The following DDAH2 variants were observed in gnomAD, a reference collection of about 807,000 sequenced individuals.
The protein encoded by DDAH2 is putative hydrolase DDAH2.
DDAH2 carries 8 observed loss-of-function variants against 24.8 expected under a neutral mutation model. That is an observed-to-expected ratio of 0.32 (90% CI 0.19 to 0.58). The LOEUF (loss-of-function observed/expected upper bound fraction) is 0.58, where lower values mean the gene tolerates loss of function less well. Among genes scored for constraint, DDAH2 ranks in the 20% least tolerant of loss-of-function variants. DDAH2 has a pLI of 0.87. For synonymous variants in DDAH2, 151 were observed against 166.1 expected, an observed-to-expected ratio of 0.91 and a Z score of 0.70; for missense variants, 281 against 379.0, an observed-to-expected ratio of 0.74 and a Z score of 2.15.
rs1304131163 is a variant in DDAH2, at chr6:31,728,290, GTC to G, written c.472_473del (p.Asp158LeufsTer57). 1 of 1,608,764 alleles carries G rather than the reference GTC, an allele frequency of 6.2e-7. No individual in the cohort carries two copies. The highest frequency in any genetic ancestry group is 1.3e-5 in the African/African-American group (1 of 74,950). ...GAEIVADTFR[D>X]FAVSTVPVSG... ...AGACTGGCACAGTGGAGACGGCGAA[GTC>G]CTAGGGAGAGCGAAGGGAGGTATTC... On this transcript the variant is annotated frameshift_variant and splice_region_variant, in exon 4 of 6. Transcript: ENST00000375789. LOFTEE classifies it high-confidence loss of function. The surrounding 1 kb of genome is among the most constrained non-coding windows in gnomAD (Gnocchi z 9.8).
In DDAH2 at chr6:31,727,898, CCCTACCTTCCCCAGCCCCT is replaced by C. The variant is rs1162294987; in HGVS notation, c.592-225_592-207del. 1.3e-5 allele frequency among the ~76,000 whole-genome samples: 2 copies of C among 152,130 alleles called. No individual in the cohort carries two copies. Among genetic ancestry groups the C allele is most frequent in the South Asian group, 2.1e-4 (1 of 4,816 alleles). ...GAATCACATGCAGTTATTTTCAACCCCCTACCTTCCCCAGCCCCTCCTATCTGTCCTACCCATCCTTAGA... is the reference window on the plus strand; with the variant it reads ...GAATCACATGCAGTTATTTTCAACCCCCTATCTGTCCTACCCATCCTTAGA... On this transcript the variant is annotated intron_variant, in intron 4 of 5. Coordinates refer to ENST00000375789, the MANE Select transcript of DDAH2 (RefSeq NM_001303007.2). The surrounding 1 kb of genome is among the most constrained non-coding windows in gnomAD (Gnocchi z 6.0).
At chr6:31,729,355 T>G, upstream of DDAH2, 1 of 594,228 alleles carries the variant, frequency 1.7e-6, no homozygotes, top group Non-Finnish European at 3.0e-6. This position sits in a 1 kb window ranked among gnomAD's most constrained non-coding sequence, Gnocchi z 6.7. Flanking sequence ...CCCCACCCAC[T>G]CCAGACCTTC....
In DDAH2 at chr6:31,727,545, C is replaced by T. The variant is rs770896162; in HGVS notation, c.739G>A (p.Glu247Lys). 1 of 1,613,096 alleles carries T rather than the reference C, an allele frequency of 6.2e-7. No individual in the cohort carries two copies. The highest frequency in any genetic ancestry group is 8.5e-7 in the Non-Finnish European group (1 of 1,180,032). The change falls in exon 5 of 6, where the codon GAG becomes AAG. Residue 247 changes from glutamate (E) to lysine (K), a missense_variant and splice_region_variant. Coordinates refer to ENST00000375789, the MANE Select transcript of DDAH2 (RefSeq NM_001303007.2). The surrounding 1 kb of genome is among the most constrained non-coding windows in gnomAD (Gnocchi z 6.0). ...RGGGDLPNSQ[E>K]ALQKLSDVTL... ...TTGGAGTTCCTGCCCTCTCTCACCT[C>T]CTGGCTGTTGGGCAGATCCCCACCT... is the stretch of plus-strand genomic sequence containing the variant.
chr6:31,729,295 A>G lies in DDAH2; in HGVS notation c.-134T>C, dbSNP rs1807669022. The G allele has an allele frequency of 1.3e-6, 1 of 769,710 alleles. No individual in the cohort carries two copies. Among genetic ancestry groups the G allele is most frequent in the Admixed American group, 2.7e-5 (1 of 36,384 alleles). 47.7% of individuals were successfully genotyped at this position (769,710 alleles called of 1,614,324 possible). ...CAGACAAGGGCGTTGGGGGTGGTTA[A>G]GAGCGCCCAGGTCTTCCTCCTGCCA... On this transcript the variant is annotated 5_prime_UTR_variant, in exon 1 of 6. Coordinates refer to ENST00000375789, the MANE Select transcript of DDAH2 (RefSeq NM_001303007.2). This position sits in a 1 kb window ranked among gnomAD's most constrained non-coding sequence, Gnocchi z 6.7.
At position 31,728,441 on chromosome 6, in the gene DDAH2, C is replaced by T. The variant is rs771700334; in HGVS notation, c.471+10G>A. 3 of 1,612,604 alleles carry T rather than the reference C, an allele frequency of 1.9e-6. No homozygotes were observed. The highest frequency in any genetic ancestry group is 2.2e-5 in the East Asian group (1 of 44,846). On this transcript the variant is annotated intron_variant, in intron 3 of 5. Transcript: ENST00000375789. The surrounding 1 kb of genome is among the most constrained non-coding windows in gnomAD (Gnocchi z 9.8). ...ACCCCCTCCCTCCCTAGGCTGGTCC[C>T]GCTCCGCACCCGGAACGTGTCCGCC...
chr6:31,728,636 C>G lies in DDAH2; in HGVS notation c.397+10G>C, dbSNP rs11752493. The G allele has an allele frequency of 6.0e-3, 9,672 of 1,612,868 alleles. 138 individuals are homozygous for G. The highest frequency in any genetic ancestry group is 0.041 in the East Asian group (1,838 of 44,880). On this transcript the variant is annotated intron_variant, in intron 2 of 5. Transcript: ENST00000375789. The surrounding 1 kb of genome is among the most constrained non-coding windows in gnomAD (Gnocchi z 9.8). ...CCTGTGCCAAGACCTATGCCTCCCC[C>G]CAGCCTCACCGGTGAAGAGAACGTC...
chr6:31,728,131 C>T lies in DDAH2; in HGVS notation c.591+42G>A, dbSNP rs754219081. ...CCTCCCAGCTCCCGGCCTCCCGGGC[C>T]CAGAACTGCGCCCACTTTCGTTGGC... is the stretch of plus-strand genomic sequence containing the variant. On this transcript the variant is annotated intron_variant, in intron 4 of 5. Coordinates refer to ENST00000375789, the MANE Select transcript of DDAH2 (RefSeq NM_001303007.2). The surrounding 1 kb of genome is among the most constrained non-coding windows in gnomAD (Gnocchi z 9.8). 8.1e-6 allele frequency: 13 copies of T among 1,605,040 alleles called. No individual in the cohort carries two copies. Among genetic ancestry groups the T allele is most frequent in the Admixed American group, 1.7e-5 (1 of 59,504 alleles).
At chr6:31,729,533 C>A, upstream of DDAH2, 1 of 275,236 alleles carries the variant, frequency 3.6e-6, no homozygotes, top group Admixed American at 4.7e-5. The surrounding 1 kb of genome is among the most constrained non-coding windows in gnomAD (Gnocchi z 6.7). Flanking sequence ...AGGATGCGCT[C>A]ACTCCCCAAA....
At position 31,728,784 on chromosome 6, in the gene DDAH2, C is replaced by G. The variant is rs542613838; in HGVS notation, c.298-39G>C. On this transcript the variant is annotated intron_variant, in intron 1 of 5. Transcript: ENST00000375789. This position sits in a 1 kb window ranked among gnomAD's most constrained non-coding sequence, Gnocchi z 9.8. ...AAGAGGGCACGGAGCTGTGACACCC[C>G]CATCCTCAATTCTTCCCCAAAGCCC... 8 of 1,611,646 alleles carry G rather than the reference C, an allele frequency of 5.0e-6. No homozygotes were observed. The African/African-American group carries it at 8.0e-5, about 16-fold the overall frequency.
At position 31,729,017 on chromosome 6, in the gene DDAH2, C is replaced by T. The variant is rs1807634404; in HGVS notation, c.145G>A (p.Gly49Arg). 6.2e-7 allele frequency: 1 copy of T among 1,613,092 alleles called. No individual in the cohort carries two copies. Among genetic ancestry groups the T allele is most frequent in the Non-Finnish European group, 8.5e-7 (1 of 1,180,028 alleles). Residue 49 changes from glycine (G) to arginine (R), a missense_variant, in exon 1 of 6, where the codon GGA (glycine) becomes AGA (arginine). By Grantham distance (125) the Gly-to-Arg change is moderately radical (BLOSUM62 -2). Transcript: ENST00000375789. The surrounding 1 kb of genome is among the most constrained non-coding windows in gnomAD (Gnocchi z 6.7). The part of the protein sequence containing the change: ...AKAQREHGVL[G>R]GKLRQRLGLQ... ...CCCAGTCGTTGCCTCAGTTTACCTCCCAGCACCCCGTGCTCCCTTTGAGCT... is the reference window on the plus strand; with the variant it reads ...CCCAGTCGTTGCCTCAGTTTACCTCTCAGCACCCCGTGCTCCCTTTGAGCT...
Position 31,727,087 on chromosome 6 carries a change from A to T in DDAH2, c.*150T>A. 1 of 683,832 alleles carries T rather than the reference A, an allele frequency of 1.5e-6. No individual in the cohort carries two copies. Among genetic ancestry groups the T allele is most frequent in the Non-Finnish European group, 2.7e-6 (1 of 374,346 alleles). The allele number at this position is 683,832 out of a possible 1,614,324, so 42.4% of individuals were successfully genotyped here. A position where few individuals can be genotyped will look rare whatever the true frequency, so the allele number is the denominator to read the frequency against. ...TGGTTCTGAGAGGGAGGATTCACCC[A>T]GTGGATCCTTTTCCCTACACTCTCC... On this transcript the variant is annotated 3_prime_UTR_variant, in exon 6 of 6. Transcript: ENST00000375789. The surrounding 1 kb of genome is among the most constrained non-coding windows in gnomAD (Gnocchi z 6.0).
At position 31,728,047 on chromosome 6, in the gene DDAH2, G is replaced by T; in HGVS notation, c.591+126C>A. On this transcript the variant is annotated intron_variant, in intron 4 of 5. Transcript: ENST00000375789. The surrounding 1 kb of genome is among the most constrained non-coding windows in gnomAD (Gnocchi z 9.8). Reference sequence around the variant, plus strand: ...GTTGTAACTTCTTATTTTCTCCTGTGTTCTTTCATGTAAGATGGACAGCCC... The same window carrying T: ...GTTGTAACTTCTTATTTTCTCCTGTTTTCTTTCATGTAAGATGGACAGCCC... The T allele has an allele frequency of 8.5e-7, 1 of 1,171,382 alleles. No individual in the cohort carries two copies. The highest frequency in any genetic ancestry group is 1.2e-6 in the Non-Finnish European group (1 of 832,858). 72.6% of individuals were successfully genotyped at this position (1,171,382 alleles called of 1,614,324 possible).
chr6:31,728,533 G>A lies in DDAH2; in HGVS notation c.398-9C>T, dbSNP rs763475448. The stretch of plus-strand genomic sequence containing the variant: ...TACGAAAAACTCCCGGCCTGAGTCC[G>A]GGAGGCCGCGGAGGTTTGAGGGCGG... On this transcript the variant is annotated splice_polypyrimidine_tract_variant and intron_variant, in intron 2 of 5. Coordinates refer to ENST00000375789, the MANE Select transcript of DDAH2 (RefSeq NM_001303007.2). This position sits in a 1 kb window ranked among gnomAD's most constrained non-coding sequence, Gnocchi z 9.8. 2 of 1,612,646 alleles carry A rather than the reference G, an allele frequency of 1.2e-6. No individual in the cohort carries two copies. The highest frequency in any genetic ancestry group is 2.2e-5 in the East Asian group (1 of 44,850).
chr6:31,728,122 C>T lies in DDAH2; in HGVS notation c.591+51G>A. 6.3e-7 allele frequency: 1 copy of T among 1,598,426 alleles called. No individual in the cohort carries two copies. Among genetic ancestry groups the T allele is most frequent in the Non-Finnish European group, 8.5e-7 (1 of 1,176,072 alleles). On this transcript the variant is annotated intron_variant, in intron 4 of 5. Coordinates refer to ENST00000375789, the MANE Select transcript of DDAH2 (RefSeq NM_001303007.2). The surrounding 1 kb of genome is among the most constrained non-coding windows in gnomAD (Gnocchi z 9.8). ...TTTCCTAAGCCTCCCAGCTCCCGGC[C>T]TCCCGGGCCCAGAACTGCGCCCACT...
In DDAH2 at chr6:31,728,921, T is replaced by C; in HGVS notation, c.241A>G (p.Ile81Val). ...GTGATTAGGGCCGTGTCCCCTTGGA[T>C]CACGGCCGTGTCGCCAAGCAGCGGT... ...LGPLLGDTAV[I>V]QGDTALITRP... Residue 81 changes from isoleucine (I) to valine (V), a missense_variant, in exon 1 of 6, where the codon ATC becomes GTC. By Grantham distance (29) the Ile-to-Val change is conservative (BLOSUM62 3). Coordinates refer to ENST00000375789, the MANE Select transcript of DDAH2 (RefSeq NM_001303007.2). This position sits in a 1 kb window ranked among gnomAD's most constrained non-coding sequence, Gnocchi z 9.8. The C allele has an allele frequency of 6.2e-7, 1 of 1,613,088 alleles. No homozygotes were observed. Among genetic ancestry groups the C allele is most frequent in the South Asian group, 1.1e-5 (1 of 91,088 alleles).
chr6:31,729,412 C>T, upstream of DDAH2: 1 of 550,942 alleles, frequency 1.8e-6, no homozygotes, highest in East Asian at 3.0e-5. The surrounding 1 kb of genome is among the most constrained non-coding windows in gnomAD (Gnocchi z 6.7). Flanking sequence ...GGGTCAGATT[C>T]TTTAAGAGGA....
chr6:31,730,180 C>G (rs9267551), upstream of DDAH2: 140,028 of 153,246 alleles, frequency 0.91, 64,197 homozygotes, highest in East Asian at 1. This position sits in a 1 kb window ranked among gnomAD's most constrained non-coding sequence, Gnocchi z 5.1. Flanking sequence ...GCTTTTAGCG[C>G]GGGTCCTTGT....
Position 31,728,394 on chromosome 6 carries a change from G to T in DDAH2, c.471+57C>A. ...CTCTCATTTCCTCAGCGGGCGCCCA[G>T]GCCCTTCCGACCCCCACCTGCACCC... On this transcript the variant is annotated intron_variant, in intron 3 of 5. Transcript: ENST00000375789. This position sits in a 1 kb window ranked among gnomAD's most constrained non-coding sequence, Gnocchi z 9.8. 1.2e-6 allele frequency: 2 copies of T among 1,610,500 alleles called. No homozygotes were observed. Among genetic ancestry groups the T allele is most frequent in the Non-Finnish European group, 1.7e-6 (2 of 1,178,852 alleles).
Position 31,728,575 on chromosome 6 carries a change from A to C in DDAH2, c.398-51T>G. On this transcript the variant is annotated intron_variant, in intron 2 of 5. Coordinates refer to ENST00000375789, the MANE Select transcript of DDAH2 (RefSeq NM_001303007.2). The surrounding 1 kb of genome is among the most constrained non-coding windows in gnomAD (Gnocchi z 9.8). The stretch of plus-strand genomic sequence containing the variant: ...TGAGGGCGGGAGTGAGTTAGAAACA[A>C]GGCTCCAGACGGCCGAGTCTCCCAA... 5.0e-6 allele frequency: 8 copies of C among 1,611,890 alleles called. No individual in the cohort carries two copies. The highest frequency in any genetic ancestry group is 6.8e-6 in the Non-Finnish European group (8 of 1,179,222).
Sources: allele counts gnomAD v4.1 joint callset (sites outside exome capture counted in the v4.1 genomes callset), GRCh38; gene constraint gnomAD v4.1.1; non-coding constraint Gnocchi (gnomAD v3.1); transcripts MANE v1.5; gene names NCBI Gene and HGNC (gene_info 2026-07-23, HGNC 2026-07-21).